APPBP2: variants seen among roughly 807,000 people sequenced by gnomAD.
The protein encoded by APPBP2 is amyloid beta precursor protein binding protein 2, also known as amyloid protein-binding protein 2.
A neutral mutation model predicts 76.0 loss-of-function variants in APPBP2; 15 were observed. The observed-to-expected ratio is 0.20, with a 90% CI of 0.13 to 0.30. The LOEUF is 0.30. Ranked by LOEUF, APPBP2 falls within the 10% of genes least tolerant of loss-of-function variation. The probability of loss-of-function intolerance (pLI) is 1.00; values close to 1 mark genes in which losing one functional copy is unlikely to be tolerated. For synonymous variants in APPBP2, 222 were observed against 242.2 expected (o/e 0.92, Z 0.77); for missense variants, 401 against 687.2 (o/e 0.58, Z 4.66).
At chr17:60,476,094 C>T (rs1447819391) in intron 4 of APPBP2, among the ~76,000 whole-genome samples, 1 of 151,932 alleles carries the variant, frequency 6.6e-6, no homozygotes, top group African/African-American at 2.4e-5. Context: ...TGTGTTTGGC[C>T]AGACATGTAT....
chr17:60,494,733 T>C (rs1399093766), intron 2 of APPBP2, 116 bp from the exon 3 acceptor site: 3 of 1,000,388 alleles, frequency 3.0e-6, no homozygotes, highest in African/African-American at 3.3e-5. Flanking sequence ...CGGAATAAGA[T>C]AAAAAGCATT....
At chr17:60,489,990 ATGCCAC>A (rs1175740520) in intron 3 of APPBP2, among the ~76,000 whole-genome samples, 1 of 151,838 alleles carries the variant, frequency 6.6e-6, no homozygotes, top group Non-Finnish European at 1.5e-5. Flanking sequence ...AGCAAAAATC[ATGCCAC>A]TGCACTCCAG....
intron 1 of APPBP2, 58 bp downstream of exon 1, chr17:60,525,736 G>C: frequency 3.1e-6 from 5 of 1,607,630 alleles, no homozygotes; most frequent in Non-Finnish European, 8.5e-7. Context: ...AGACGTGGAA[G>C]GGGGTGCGGC....
rs1003400135 is a variant in APPBP2, at chr17:60,504,172, T to C, written c.139-3685A>G. Among the ~76,000 whole-genome samples the C allele has an allele frequency of 4.6e-5, 7 of 152,296 alleles. No individual in the cohort carries two copies. The South Asian group carries it at 1.5e-3, about 32-fold the overall frequency. ...TTTATATTATGTACCCGTAGCATAA[T>C]GAAGCTATTAAAGGGCTATATCAAC... On this transcript the variant is annotated intron_variant, in intron 1 of 12. Coordinates refer to ENST00000083182, the MANE Select transcript of APPBP2 (RefSeq NM_006380.5).
intron 3 of APPBP2, among the ~76,000 whole-genome samples, chr17:60,482,594 C>T (rs1269252819): frequency 6.6e-6 from 1 of 152,164 alleles, no homozygotes; most frequent in Admixed American, 6.5e-5. Context: ...AGACCGCCAC[C>T]CCACAACAGG....
intron 10 of APPBP2, among the ~76,000 whole-genome samples, chr17:60,456,026 C>T (rs1019164079): frequency 6.6e-6 from 1 of 152,216 alleles, no homozygotes; most frequent in Non-Finnish European, 1.5e-5. Context: ...GATCTGCCTG[C>T]CTCGGCCTCC....
At chr17:60,467,130 A>C (rs2090517089) in intron 4 of APPBP2, among the ~76,000 whole-genome samples, 1 of 151,920 alleles carries the variant, frequency 6.6e-6, no homozygotes, top group African/African-American at 2.4e-5. Context: ...ATAGGCAAAT[A>C]GTGTTAGGAC....
At chr17:60,451,578 A>T (rs1011865845) in intron 12 of APPBP2, among the ~76,000 whole-genome samples, 5 of 152,076 alleles carry the variant, frequency 3.3e-5, no homozygotes, top group African/African-American at 1.2e-4. Context: ...GGTTCAAGTG[A>T]TTCTCCTGCC....
At chr17:60,505,441 G>A (rs1264366256) in intron 1 of APPBP2, among the ~76,000 whole-genome samples, 1 of 152,152 alleles carries the variant, frequency 6.6e-6, no homozygotes, top group Non-Finnish European at 1.5e-5. Flanking sequence ...TCAGCCTCCA[G>A]AGTAGCTGGG....
intron 12 of APPBP2, among the ~76,000 whole-genome samples, chr17:60,450,924 T>C (rs1375313582): frequency 6.6e-6 from 1 of 152,262 alleles, no homozygotes; most frequent in Non-Finnish European, 1.5e-5. Context: ...AAAGAACTTC[T>C]ATAAGTCAAT....
intron 9 of APPBP2, chr17:60,459,781 C>T (rs528116384): frequency 6.6e-6 from 1 of 152,476 alleles, no homozygotes; most frequent in Admixed American, 6.5e-5. Context: ...CGTGAGCCAC[C>T]ACGCCCGGCC....
intron 3 of APPBP2, among the ~76,000 whole-genome samples, chr17:60,486,559 C>T (rs536607369): frequency 6.6e-6 from 1 of 152,274 alleles, no homozygotes; most frequent in South Asian, 2.1e-4. Context: ...GATCTTTCTC[C>T]ATCCCTTTAT....
At chr17:60,451,513 G>T (rs2090394798) in intron 12 of APPBP2, among the ~76,000 whole-genome samples, 1 of 151,648 alleles carries the variant, frequency 6.6e-6, no homozygotes, top group Admixed American at 6.6e-5. Context: ...TCGTTCTGTT[G>T]CCCAGGCTGG....
At chr17:60,516,570 T>C (rs933493329) in intron 1 of APPBP2, among the ~76,000 whole-genome samples, 11 of 152,254 alleles carry the variant, frequency 7.2e-5, no homozygotes, top group Non-Finnish European at 1.2e-4. Flanking sequence ...TTCATTTTCA[T>C]TGTGTAATAT....
At chr17:60,493,694 C>A (rs2090750424) in intron 3 of APPBP2, among the ~76,000 whole-genome samples, 1 of 147,688 alleles carries the variant, frequency 6.8e-6, no homozygotes, top group Non-Finnish European at 1.5e-5. Context: ...GGCTGGAGTG[C>A]AGTGGCACAA....
rs151179463 is a variant in APPBP2, at chr17:60,516,146, G to C, written c.138+9648C>G. Among the ~76,000 whole-genome samples the C allele has an allele frequency of 1.7e-3, 256 of 151,734 alleles. 1 individual carries two copies. The highest frequency in any genetic ancestry group is 5.9e-3 in the African/African-American group (245 of 41,378). The stretch of plus-strand genomic sequence containing the variant: ...CCACTGCACTCCTGCCTCGGAGGAA[G>C]AGTGAGACTCCCTCTCAAAAAACAA... On this transcript the variant is annotated intron_variant, in intron 1 of 12. Coordinates refer to ENST00000083182, the MANE Select transcript of APPBP2 (RefSeq NM_006380.5).
intron 4 of APPBP2, chr17:60,477,598 T>C (rs527351905): frequency 2.6e-5 from 4 of 152,264 alleles, no homozygotes; most frequent in Non-Finnish European, 5.9e-5. Flanking sequence ...CTAATCCTTT[T>C]AGAGTTTCTG....
intron 9 of APPBP2, chr17:60,460,362 C>T (rs920160966): frequency 5.7e-6 from 1 of 176,370 alleles, no homozygotes; most frequent in African/African-American, 2.4e-5. Flanking sequence ...AAACGTCCAT[C>T]TAGTTTTAAA....
intron 6 of APPBP2, among the ~76,000 whole-genome samples, chr17:60,462,871 A>C (rs2090485590): frequency 6.8e-6 from 1 of 147,604 alleles, no homozygotes; most frequent in Admixed American, 6.9e-5. Flanking sequence ...AATGATGTGA[A>C]CCCTGGGGGG....
Sources: allele counts gnomAD v4.1 joint callset (sites outside exome capture counted in the v4.1 genomes callset), GRCh38; gene constraint gnomAD v4.1.1; transcripts MANE v1.5; gene names NCBI Gene and HGNC (gene_info 2026-07-23, HGNC 2026-07-21).